Variants in RNF213 observed in about 807,000 individuals in gnomAD.
The protein encoded by RNF213 is ring finger protein 213.
Under a neutral mutation model 514.4 loss-of-function variants are expected in RNF213, and 341 were observed. The observed-to-expected ratio is 0.66, with a 90% CI of 0.61 to 0.73. RNF213 has a LOEUF of 0.73. Among genes scored for constraint, RNF213 ranks in the 30% least tolerant of loss-of-function variants. The pLI, the probability that RNF213 is intolerant of heterozygous loss-of-function variation, is 0.00. For missense variants in RNF213, 5,767 were observed against 6,615.6 expected (o/e 0.87, Z 4.45); for synonymous variants, 2,655 against 2,658.2 (o/e 1.00, Z 0.04).
Position 80,347,781 on chromosome 17 carries a change from T to C in RNF213, c.9446T>C (p.Ile3149Thr), listed in dbSNP as rs1184086720. 6.2e-7 allele frequency: 1 copy of C among 1,614,184 alleles called. No homozygotes were observed. Among genetic ancestry groups the C allele is most frequent in the Non-Finnish European group, 8.5e-7 (1 of 1,180,038 alleles). ...KCRVHPNFRL[I>T]VIEEKDVVYK... ...CGGGTTCACCCCAACTTCCGCCTGA[T>C]TGTCATTGAAGAGAAAGACGTCGTG... is the stretch of plus-strand genomic sequence containing the variant. Residue 3149 changes from isoleucine (I) to threonine (T), a missense_variant, in exon 29 of 68, where the codon ATT becomes ACT. Ile to Thr is a moderately conservative substitution (Grantham distance 89). Transcript: ENST00000582970. The surrounding 1 kb of genome is among the most constrained non-coding windows in gnomAD (Gnocchi z 7.2).
In RNF213 at chr17:80,339,681, T is replaced by A. The variant is rs1336550324; in HGVS notation, c.5314T>A (p.Phe1772Ile). ...GCTCCCGCTGATGCTCTTATCAGAG[T>A]TCAGCCTGGTGGACAAGCTGAGGAT... is the stretch of plus-strand genomic sequence containing the variant. ...EELPLMLLSE[F>I]SLVDKLRIIM... is the part of the protein sequence containing the mutation. Residue 1772 changes from phenylalanine (F) to isoleucine (I), a missense_variant, in exon 26 of 68, where the codon TTC (phenylalanine) becomes ATC (isoleucine). Phe to Ile is a conservative substitution (Grantham distance 21). This residue lies in a region of RNF213 where 1,377 missense variants were observed against 1,635.2 expected (regional missense o/e 0.84). Coordinates refer to ENST00000582970, the MANE Select transcript of RNF213 (RefSeq NM_001256071.3). 6.5e-7 allele frequency: 1 copy of A among 1,536,930 alleles called. No individual in the cohort carries two copies. The highest frequency in any genetic ancestry group is 2.4e-5 in the East Asian group (1 of 40,912).
At chr17:80,261,756 T>C (rs1209622833) in intron 1 of RNF213, among the ~76,000 whole-genome samples, 3 of 152,220 alleles carry the variant, frequency 2.0e-5, no homozygotes, top group African/African-American at 4.8e-5. Context: ...CAGTGGCTAA[T>C]GCCTGTAATC....
chr17:80,395,573 C>A lies in RNF213; in HGVS notation c.*2075C>A, dbSNP rs188921610. ...AGCCGATCTGGGACTGAAACGCTTA[C>A]ACCTCTGCCTCAGAAGGAGTCCCCC... On this transcript the variant is annotated 3_prime_UTR_variant, in exon 68 of 68. Transcript: ENST00000582970. 1 of 152,430 alleles carries A rather than the reference C, an allele frequency of 6.6e-6. No individual in the cohort carries two copies. Among genetic ancestry groups the A allele is most frequent in the Non-Finnish European group, 1.5e-5 (1 of 68,106 alleles). 9.4% of individuals were successfully genotyped at this position (152,430 alleles called of 1,614,324 possible).
At chr17:80,289,360 CG>C (rs982338500) in intron 5 of RNF213, among the ~76,000 whole-genome samples, 93 of 152,226 alleles carry the variant, frequency 6.1e-4, no homozygotes, top group African/African-American at 2.2e-3. Context: ...GAAGCCCAGG[CG>C]GGTGCATCAC....
intron 7 of RNF213, among the ~76,000 whole-genome samples, chr17:80,291,322 A>G (rs1391122480): frequency 6.9e-6 from 1 of 145,946 alleles, no homozygotes; most frequent in Non-Finnish European, 1.5e-5. Context: ...GAGTGCAATC[A>G]TGACTCACTG....
intron 50 of RNF213, among the ~76,000 whole-genome samples, chr17:80,375,423 C>T (rs896564885): frequency 2.0e-5 from 3 of 151,906 alleles, no homozygotes; most frequent in Non-Finnish European, 2.9e-5. Flanking sequence ...TGGCAGGCAG[C>T]GGTGCGGGGG....
intron 7 of RNF213, 42 bp from the exon 8 acceptor site, chr17:80,291,586 G>T: frequency 6.3e-7 from 1 of 1,593,172 alleles, no homozygotes; most frequent in Non-Finnish European, 8.6e-7. Flanking sequence ...AATTTCCGGG[G>T]TAGGAATTTT....
At chr17:80,278,808 A>T in intron 3 of RNF213, 1 of 1,537,196 alleles carries the variant, frequency 6.5e-7, no homozygotes. Flanking sequence ...TAGACCTCAT[A>T]TCCGATGAAT....
intron 17 of RNF213, 142 bp downstream of exon 17, chr17:80,319,454 G>A (rs775468867): frequency 3.0e-5 from 49 of 1,614,032 alleles, no homozygotes; most frequent in East Asian, 4.5e-5. Context: ...CTCCTCCCTC[G>A]CCAAGGGCAA....
chr17:80,327,087 T>G (rs1166362387), intron 18 of RNF213, among the ~76,000 whole-genome samples: 1 of 152,224 alleles, frequency 6.6e-6, no homozygotes, highest in African/African-American at 2.4e-5. Flanking sequence ...AGTGTCTCCC[T>G]AAGACCATCC....
intron 8 of RNF213, among the ~76,000 whole-genome samples, chr17:80,293,054 CAT>C (rs1013554142): frequency 1.3e-5 from 2 of 151,970 alleles, no homozygotes; most frequent in African/African-American, 4.8e-5. Flanking sequence ...TTTTTGTAAA[CAT>C]ATATATATAT....
chr17:80,388,779 G>A (rs1274454830), intron 64 of RNF213, 90 bp downstream of exon 64: 14 of 1,050,930 alleles, frequency 1.3e-5, no homozygotes, highest in Admixed American at 6.8e-5. Flanking sequence ...GCCTTGCCCC[G>A]GGTGTTTGCT....
intron 3 of RNF213, among the ~76,000 whole-genome samples, chr17:80,281,879 C>T (rs894289699): frequency 5.9e-5 from 9 of 151,972 alleles, no homozygotes; most frequent in African/African-American, 1.5e-4. Flanking sequence ...TTTTTTGAGA[C>T]GGATTCTCTC....
At chr17:80,297,190 G>A (rs112658337) in intron 10 of RNF213, among the ~76,000 whole-genome samples, 1,559 of 150,666 alleles carry the variant, frequency 0.01, 26 homozygotes, top group African/African-American at 0.036. Flanking sequence ...GGTGGCTCAC[G>A]CCTGTAATCC....
rs1269140341 is a variant in RNF213 at position 80,354,153 on chromosome 17, T to C, written c.10713T>C (p.Asp3571=). ...VVLLLGLLNE[D]DACHASFLRV... ...TCCTCCTGGGCCTCTTGAATGAGGA[T>C]GACGCGTGCCACGGTATGAGCCTCC... Residue 3571 remains aspartate, a synonymous_variant, in exon 35 of 68, where the codon GAT becomes GAC. Coordinates refer to ENST00000582970, the MANE Select transcript of RNF213 (RefSeq NM_001256071.3). 7.4e-6 allele frequency: 12 copies of C among 1,613,886 alleles called. No individual in the cohort carries two copies. Among genetic ancestry groups the C allele is most frequent in the Non-Finnish European group, 1.0e-5 (12 of 1,180,026 alleles).
intron 20 of RNF213, among the ~76,000 whole-genome samples, chr17:80,331,124 C>T (rs1345839996): frequency 6.6e-6 from 1 of 152,036 alleles, no homozygotes; most frequent in Admixed American, 6.5e-5. Context: ...CAGCCTGGAC[C>T]GTGTCTTAAA....
At chr17:80,305,379 T>C (rs1472364826) in intron 11 of RNF213, among the ~76,000 whole-genome samples, 1 of 151,656 alleles carries the variant, frequency 6.6e-6, no homozygotes, top group Non-Finnish European at 1.5e-5. Context: ...GATTTCTCCA[T>C]GTTGGTCAGG....
At chr17:80,372,257 A>T (rs933521448) in intron 47 of RNF213, among the ~76,000 whole-genome samples, 9 of 152,302 alleles carry the variant, frequency 5.9e-5, no homozygotes, top group African/African-American at 2.2e-4. Context: ...GATACTTTTT[A>T]TCTTCATATT....
In RNF213 at chr17:80,353,895, T is replaced by C; in HGVS notation, c.10579-124T>C. The stretch of plus-strand genomic sequence containing the variant: ...AGGGCGGAGGTCGGCGTCTCTTCTT[T>C]GTCCGTGAGGACCGCCGCCCTGTGC... On this transcript the variant is annotated intron_variant, in intron 34 of 67. Transcript: ENST00000582970. This position sits in a 1 kb window ranked among gnomAD's most constrained non-coding sequence, Gnocchi z 5.0. 1.3e-5 allele frequency: 18 copies of C among 1,362,510 alleles called. No homozygotes were observed. The highest frequency in any genetic ancestry group is 1.7e-5 in the Non-Finnish European group (17 of 973,902). The allele number at this position is 1,362,510 out of a possible 1,614,324, so 84.4% of individuals were successfully genotyped here. A position where few individuals can be genotyped will look rare whatever the true frequency, so the allele number is the denominator to read the frequency against.
Sources: allele counts gnomAD v4.1 joint callset (sites outside exome capture counted in the v4.1 genomes callset), GRCh38; gene constraint gnomAD v4.1.1; regional missense constraint gnomAD v4.1.1; non-coding constraint Gnocchi (gnomAD v3.1); transcripts MANE v1.5; gene names NCBI Gene and HGNC (gene_info 2026-07-23, HGNC 2026-07-21).